NAALADL2: variants seen among roughly 807,000 people sequenced by gnomAD.
NAALADL2 encodes inactive N-acetylated-alpha-linked acidic dipeptidase-like protein 2.
In NAALADL2, 76 loss-of-function variants were observed where a neutral mutation model predicts 87.2. The observed-to-expected ratio is 0.87, with a 90% confidence interval of 0.72 to 1.05. The LOEUF (loss-of-function observed/expected upper bound fraction) is 1.05. Among genes scored for constraint, NAALADL2 ranks in the 50% least tolerant of loss-of-function variants. The probability of loss-of-function intolerance (pLI) is 0.00; values close to 1 mark genes in which losing one functional copy is unlikely to be tolerated. For missense variants in NAALADL2, 1,089 were observed against 945.8 expected, an observed-to-expected ratio of 1.15 and a Z score of -1.99; for synonymous variants, 354 against 331.0, an observed-to-expected ratio of 1.07 and a Z score of -0.75.
intron 5 of NAALADL2, among the ~76,000 whole-genome samples, chr3:175,441,456 C>G (rs149132436): frequency 5.7e-4 from 87 of 152,232 alleles, no homozygotes; most frequent in African/African-American, 1.9e-3. Flanking sequence ...CAAGGGATGA[C>G]TACGTAATGA....
intron 9 of NAALADL2, among the ~76,000 whole-genome samples, chr3:175,520,380 G>A (rs894353785): frequency 7.0e-6 from 1 of 142,422 alleles, no homozygotes; most frequent in Middle Eastern, 3.7e-3. Context: ...CTCACTGCAA[G>A]CTCCGCTTCC....
intron 4 of NAALADL2, among the ~76,000 whole-genome samples, chr3:175,288,461 A>T (rs1408633882): frequency 6.6e-6 from 1 of 152,216 alleles, no homozygotes; most frequent in Non-Finnish European, 1.5e-5. Context: ...CAAAGTATCC[A>T]TCATAACACC....
At chr3:174,842,200 C>T (rs1724103147) in intron 3 of NAALADL2, among the ~76,000 whole-genome samples, 1 of 151,954 alleles carries the variant, frequency 6.6e-6, no homozygotes, top group Admixed American at 6.6e-5. Flanking sequence ...TACAGCCATG[C>T]ACCACCACGC....
chr3:175,201,547 A>G (rs1740026886), intron 2 of NAALADL2, among the ~76,000 whole-genome samples: 1 of 152,240 alleles, frequency 6.6e-6, no homozygotes, highest in Admixed American at 6.5e-5. Flanking sequence ...ATAAGACATT[A>G]TAACTAGGTT....
At chr3:175,712,785 G>A (rs1329193679) in intron 11 of NAALADL2, among the ~76,000 whole-genome samples, 1 of 152,002 alleles carries the variant, frequency 6.6e-6, no homozygotes, top group Non-Finnish European at 1.5e-5. Context: ...TTGTTCATAA[G>A]CCACCAAGTT....
chr3:174,565,100 G>T lies in NAALADL2; in HGVS notation c.-115+14463G>T, dbSNP rs538618524. Among the ~76,000 whole-genome samples the T allele has an allele frequency of 8.6e-5, 13 of 151,850 alleles. No individual in the cohort carries two copies. In the South Asian group the frequency reaches 2.7e-3, roughly 32 times the overall value. Reference sequence around the variant, plus strand: ...CCCTCACCACCATCCCCCCTTGTTTGCCCTATTATTAACATCTTGTATTAG... The same window carrying T: ...CCCTCACCACCATCCCCCCTTGTTTTCCCTATTATTAACATCTTGTATTAG... On this transcript the variant is annotated intron_variant, in intron 2 of 3. Transcript: ENST00000434257.
chr3:175,118,594 T>C (rs919725990), intron 2 of NAALADL2, among the ~76,000 whole-genome samples: 4 of 151,836 alleles, frequency 2.6e-5, no homozygotes, highest in African/African-American at 9.6e-5. Flanking sequence ...AAGAGAACAA[T>C]AACTTATTTG....
intron 9 of NAALADL2, among the ~76,000 whole-genome samples, chr3:175,567,409 A>G (rs1386080156): frequency 6.6e-6 from 1 of 152,124 alleles, no homozygotes; most frequent in East Asian, 1.9e-4. Context: ...TGATCCTTAA[A>G]GCACTCATTA....
At chr3:175,696,404 T>C (rs1024669520) in intron 11 of NAALADL2, among the ~76,000 whole-genome samples, 2 of 152,070 alleles carry the variant, frequency 1.3e-5, no homozygotes, top group African/African-American at 4.8e-5. Flanking sequence ...TCCTTCCAGC[T>C]TGGGGGATCA....
chr3:174,956,032 G>C (rs948614561), intron 1 of NAALADL2, among the ~76,000 whole-genome samples: 1 of 152,008 alleles, frequency 6.6e-6, no homozygotes, highest in African/African-American at 2.4e-5. Context: ...TTATTGCCCA[G>C]TGATGATATT....
intron 1 of NAALADL2, among the ~76,000 whole-genome samples, chr3:174,943,257 T>A (rs535005081): frequency 6.6e-6 from 1 of 152,206 alleles, no homozygotes; most frequent in Non-Finnish European, 1.5e-5. Flanking sequence ...AGGGTCTTTA[T>A]TTGAAGCTGC....
intron 2 of NAALADL2, among the ~76,000 whole-genome samples, chr3:175,110,506 T>C (rs916340692): frequency 6.6e-6 from 1 of 151,804 alleles, no homozygotes; most frequent in Non-Finnish European, 1.5e-5. Flanking sequence ...AGTTGCCCTT[T>C]TGACAACTTA....
intron 11 of NAALADL2, among the ~76,000 whole-genome samples, chr3:175,695,485 GTT>G (rs2149934940): frequency 6.6e-6 from 1 of 152,202 alleles, no homozygotes; most frequent in African/African-American, 2.4e-5. Context: ...TCATAGTGAG[GTT>G]TAAAAGAACA....
intron 1 of NAALADL2, among the ~76,000 whole-genome samples, chr3:175,001,866 C>T (rs1199709513): frequency 6.6e-6 from 1 of 152,130 alleles, no homozygotes; most frequent in African/African-American, 2.4e-5. Context: ...AATTAAACAC[C>T]TGCCCTCATG....
chr3:175,581,530 T>G lies in NAALADL2; in HGVS notation c.1800+5343T>G, dbSNP rs943620773. On this transcript the variant is annotated intron_variant, in intron 10 of 13. Transcript: ENST00000454872. ...TATCTTTTGTAATATGTTGTTTTAT[T>G]GTAAAAGTATGAAGAAAAATCTGCT... Among the ~76,000 whole-genome samples the G allele has an allele frequency of 2.6e-5, 4 of 152,334 alleles. 1 individual carries two copies. The highest frequency in any genetic ancestry group is 3.4e-3 in the Middle Eastern group (1 of 294).
At chr3:175,732,907 G>A (rs762610570) in intron 11 of NAALADL2, among the ~76,000 whole-genome samples, 1 of 142,418 alleles carries the variant, frequency 7.0e-6, no homozygotes, top group East Asian at 2.2e-4. Flanking sequence ...CTGTCGGGGG[G>A]TAGGGTGGTG....
At chr3:174,651,718 A>C (rs991171750) in intron 2 of NAALADL2, among the ~76,000 whole-genome samples, 1 of 152,166 alleles carries the variant, frequency 6.6e-6, no homozygotes, top group African/African-American at 2.4e-5. Flanking sequence ...AAGGTTTCCT[A>C]TGCTTCAAAT....
chr3:175,239,580 A>G (rs1252087703), intron 3 of NAALADL2, among the ~76,000 whole-genome samples: 2 of 152,280 alleles, frequency 1.3e-5, no homozygotes, highest in South Asian at 4.1e-4. Flanking sequence ...TGGATTTTGT[A>G]TCTTTTCATT....
At chr3:174,456,950 G>T (rs759133357) in intron 1 of NAALADL2, among the ~76,000 whole-genome samples, 23 of 152,086 alleles carry the variant, frequency 1.5e-4, no homozygotes, top group Non-Finnish European at 3.4e-4. Context: ...GAAAATGTTT[G>T]CAAACTGTGC....
Sources: gnomAD v4.1 joint callset for allele counts (sites outside exome capture counted in the v4.1 genomes callset) on GRCh38, gnomAD v4.1.1 for gene constraint, MANE v1.5 for transcripts, NCBI Gene and HGNC (gene_info 2026-07-23, HGNC 2026-07-21) for gene names.